The following ZBP1 variants were observed in gnomAD, a reference collection of about 807,000 sequenced individuals.
The protein encoded by ZBP1 is Z-DNA-binding protein 1.
A neutral mutation model predicts 41.1 loss-of-function variants in ZBP1; 42 were observed. That is an observed-to-expected ratio of 1.02 (90% CI 0.80 to 1.32). The LOEUF is 1.32. ZBP1 is among the 40% of genes most tolerant of loss of function. The pLI is 0.00. For missense variants in ZBP1, 562 were observed against 549.7 expected, an observed-to-expected ratio of 1.02 and a Z score of -0.22; for synonymous variants, 214 against 205.2, an observed-to-expected ratio of 1.04 and a Z score of -0.37.
chr20:57,608,631 C>G (rs548587658), intron 7 of ZBP1, among the ~76,000 whole-genome samples: 5 of 152,250 alleles, frequency 3.3e-5, no homozygotes, highest in Non-Finnish European at 5.9e-5. Context: ...GAAGTCCATG[C>G]TCCCAGATGC....
At position 57,611,962 on chromosome 20, in the gene ZBP1, A is replaced by C. The variant is rs746012803; in HGVS notation, c.671-32T>G. On this transcript the variant is annotated intron_variant, in intron 5 of 7. Transcript: ENST00000371173. ...GGGGACAGTGGCACAGCCTCACCGG[A>C]GATTACTGCAGGCTTCTTCCTTTCC... 5 of 1,545,108 alleles carry C rather than the reference A, an allele frequency of 3.2e-6. No homozygotes were observed. In the African/African-American group the frequency reaches 6.9e-5, roughly 21 times the overall value.
chr20:57,606,088 A>G (rs1378105319), intron 7 of ZBP1, among the ~76,000 whole-genome samples: 3 of 152,256 alleles, frequency 2.0e-5, no homozygotes, highest in Admixed American at 6.5e-5. Context: ...GTTGAAAGCT[A>G]GGTCAAAAGT....
At chr20:57,604,804 G>C in intron 7 of ZBP1, 35 bp from the exon 8 acceptor site, 1 of 1,593,702 alleles carries the variant, frequency 6.3e-7, no homozygotes, top group Non-Finnish European at 8.6e-7. Flanking sequence ...AGCTTCATGG[G>C]CACGTGGCCT....
chr20:57,611,665 G>C, intron 6 of ZBP1, 62 bp downstream of exon 6: 2 of 1,511,218 alleles, frequency 1.3e-6, no homozygotes, highest in South Asian at 1.2e-5. Context: ...TCTGGCTCCA[G>C]TTCCTTCCAG....
At chr20:57,619,183 C>T (rs2070930315) in intron 1 of ZBP1, among the ~76,000 whole-genome samples, 1 of 152,240 alleles carries the variant, frequency 6.6e-6, no homozygotes, top group South Asian at 2.1e-4. Context: ...CACAGGACCT[C>T]CGCGGTCAGC....
Position 57,620,385 on chromosome 20 carries a change from G to A in ZBP1, c.-90C>T. ...TGAGAGGGTGGGCTAGGTCGAGGCTGGGGCTTCTGAAGTGGCCGAGCCTGG... is the reference window on the plus strand; with the variant it reads ...TGAGAGGGTGGGCTAGGTCGAGGCTAGGGCTTCTGAAGTGGCCGAGCCTGG... On this transcript the variant is annotated 5_prime_UTR_variant, in exon 1 of 8. Transcript: ENST00000371173. 1 of 1,464,874 alleles carries A rather than the reference G, an allele frequency of 6.8e-7. No homozygotes were observed. The highest frequency in any genetic ancestry group is 9.3e-7 in the Non-Finnish European group (1 of 1,080,214). The allele number at this position is 1,464,874 out of a possible 1,614,324, so 90.7% of individuals were successfully genotyped here. A position where few individuals can be genotyped will look rare whatever the true frequency, so the allele number is the denominator to read the frequency against.
In ZBP1 at chr20:57,610,276, G is replaced by A. The variant is rs142731351; in HGVS notation, c.966C>T (p.Ile322=). The change falls in exon 7 of 8, where the codon ATC becomes ATT. Residue 322 remains isoleucine, a synonymous_variant. Transcript: ENST00000371173. This position sits in a 1 kb window ranked among gnomAD's most constrained non-coding sequence, Gnocchi z 5.5. The part of the protein sequence containing the change: ...THPEGEAAQR[I]HMKSCFLEDA... ...CCTCGAGAAAGCACGATTTCATGTG[G>A]ATTCTCTGGGCGGCTTCCCCCTCAG... 6.8e-6 allele frequency: 11 copies of A among 1,614,170 alleles called. No homozygotes were observed. In the African/African-American group the frequency reaches 1.3e-4, roughly 20 times the overall value.
In ZBP1 at chr20:57,607,322, C is replaced by A. The variant is rs540435489; in HGVS notation, c.1094-2553G>T. Reference sequence around the variant, plus strand: ...GCAACTGCAAATGTGGTGGAAATAGCAGGAAAACACAAATTAGAAGTGGAA... The same window carrying A: ...GCAACTGCAAATGTGGTGGAAATAGAAGGAAAACACAAATTAGAAGTGGAA... On this transcript the variant is annotated intron_variant, in intron 7 of 7. Coordinates refer to ENST00000371173, the MANE Select transcript of ZBP1 (RefSeq NM_030776.3). The A allele has an allele frequency of 1.2e-5, 16 of 1,280,762 alleles. No homozygotes were observed. In the East Asian group the frequency reaches 9.0e-4, roughly 72 times the overall value. The allele number at this position is 1,280,762 out of a possible 1,614,324, so 79.3% of individuals were successfully genotyped here.
Position 57,610,051 on chromosome 20 carries a change from A to C in ZBP1, c.1093+98T>G. 1.5e-4 allele frequency: 200 copies of C among 1,328,294 alleles called. No individual in the cohort carries two copies. Among genetic ancestry groups the C allele is most frequent in the Non-Finnish European group, 1.9e-4 (178 of 942,650 alleles). The allele number at this position is 1,328,294 out of a possible 1,614,324, so 82.3% of individuals were successfully genotyped here. Reference sequence around the variant, plus strand: ...CACAGCCTCCAGACTCCGGGAAACCAGAGATTAGCGAATGATCGATGAGAG... The same window carrying C: ...CACAGCCTCCAGACTCCGGGAAACCCGAGATTAGCGAATGATCGATGAGAG... On this transcript the variant is annotated intron_variant, in intron 7 of 7. Transcript: ENST00000371173. This position sits in a 1 kb window ranked among gnomAD's most constrained non-coding sequence, Gnocchi z 5.5.
At position 57,614,894 on chromosome 20, in the gene ZBP1, G is replaced by A. The variant is rs1423656856; in HGVS notation, c.495C>T (p.Tyr165=). ...AGGCAGCCGGGGGCCTACCTGGGCG[G>A]TAAATCGTCCATGCTTTGGACTGCT... is the stretch of plus-strand genomic sequence containing the variant. ...MDEQSKAWTI[Y]RPEDSGRRAK... Residue 165 remains tyrosine (Y), a synonymous_variant, in exon 4 of 8, where the codon TAC becomes TAT. Coordinates refer to ENST00000371173, the MANE Select transcript of ZBP1 (RefSeq NM_030776.3). 1.2e-6 allele frequency: 2 copies of A among 1,614,182 alleles called. No homozygotes were observed. Among genetic ancestry groups the A allele is most frequent in the Non-Finnish European group, 1.7e-6 (2 of 1,180,020 alleles).
chr20:57,606,959 C>G, intron 7 of ZBP1: 4 of 1,187,380 alleles, frequency 3.4e-6, no homozygotes, highest in Non-Finnish European at 4.3e-6. Flanking sequence ...TCCACGGGCT[C>G]TGATGGAGAT....
intron 7 of ZBP1, among the ~76,000 whole-genome samples, chr20:57,608,277 A>G (rs2070547013): frequency 6.6e-6 from 1 of 152,136 alleles, no homozygotes; most frequent in Non-Finnish European, 1.5e-5. Context: ...GCCCGCCACC[A>G]TGCCTGGCTA....
rs2865395 is a variant in ZBP1 at position 57,613,933 on chromosome 20, A to C, written c.503-603T>G. ...TGTGCGGGGCCCATCACCACCCTCC[A>C]GGGTCTCAGCTCCTGTGCCTTTGTG... is the stretch of plus-strand genomic sequence containing the variant. On this transcript the variant is annotated intron_variant, in intron 4 of 7. Transcript: ENST00000371173. This position sits in a 1 kb window ranked among gnomAD's most constrained non-coding sequence, Gnocchi z 4.5. Among the ~76,000 whole-genome samples the C allele has an allele frequency of 9.2e-5, 14 of 152,188 alleles. No homozygotes were observed. Among genetic ancestry groups the C allele is most frequent in the African/African-American group, 3.4e-4 (14 of 41,442 alleles).
At chr20:57,606,856 C>T (rs1041504335) in intron 7 of ZBP1, among the ~76,000 whole-genome samples, 6 of 152,174 alleles carry the variant, frequency 3.9e-5, no homozygotes, top group Admixed American at 1.3e-4. Context: ...CACTGCTCAT[C>T]GTCCATACCA....
chr20:57,610,007 G>A lies in ZBP1; in HGVS notation c.1093+142C>T. The A allele has an allele frequency of 2.2e-6, 2 of 924,020 alleles. No individual in the cohort carries two copies. Among genetic ancestry groups the A allele is most frequent in the Non-Finnish European group, 3.3e-6 (2 of 605,828 alleles). The allele number at this position is 924,020 out of a possible 1,614,324, so 57.2% of individuals were successfully genotyped here. ...CCTCCACGCTGACTCTAGAGCTGCTGCTCCTCGCTGTGGGTGGGCACAGCC... is the reference window on the plus strand; with the variant it reads ...CCTCCACGCTGACTCTAGAGCTGCTACTCCTCGCTGTGGGTGGGCACAGCC... On this transcript the variant is annotated intron_variant, in intron 7 of 7. Coordinates refer to ENST00000371173, the MANE Select transcript of ZBP1 (RefSeq NM_030776.3). This position sits in a 1 kb window ranked among gnomAD's most constrained non-coding sequence, Gnocchi z 5.5.
At position 57,619,836 on chromosome 20, in the gene ZBP1, A is replaced by AT. The variant is rs940213839; in HGVS notation, c.34+425dup. ...GGGGATGGCTATGCTGTCCCTTTCT[A>AT]TTTTTTTTTTTTTTTTCTGAGATGG... On this transcript the variant is annotated intron_variant, in intron 1 of 7. Coordinates refer to ENST00000371173, the MANE Select transcript of ZBP1 (RefSeq NM_030776.3). Among the ~76,000 whole-genome samples the AT allele has an allele frequency of 9.8e-3, 1,308 of 134,126 alleles. 6 individuals are homozygous for AT. The highest frequency in any genetic ancestry group is 0.012 in the Non-Finnish European group (709 of 61,314). 88.0% of individuals were successfully genotyped at this position (134,126 alleles called of 152,430 possible).
chr20:57,612,741 G>C, intron 5 of ZBP1: 1 of 259,350 alleles, frequency 3.9e-6, no homozygotes, highest in Non-Finnish European at 6.3e-6. Context: ...GTGGGGGAAA[G>C]TAGCGTGTCT....
chr20:57,619,659 C>G (rs980404375), intron 1 of ZBP1, among the ~76,000 whole-genome samples: 1 of 152,236 alleles, frequency 6.6e-6, no homozygotes, highest in Middle Eastern at 3.4e-3. Context: ...CACCAGCGTT[C>G]GCCAGCTGTG....
Position 57,610,074 on chromosome 20 carries a change from G to T in ZBP1, c.1093+75C>A. ...CCAGAGATTAGCGAATGATCGATGA[G>T]AGTGAATGAATGAATGAGTGGAAGG... On this transcript the variant is annotated intron_variant, in intron 7 of 7. Coordinates refer to ENST00000371173, the MANE Select transcript of ZBP1 (RefSeq NM_030776.3). This position sits in a 1 kb window ranked among gnomAD's most constrained non-coding sequence, Gnocchi z 5.5. 1 of 1,427,166 alleles carries T rather than the reference G, an allele frequency of 7.0e-7. No homozygotes were observed. Among genetic ancestry groups the T allele is most frequent in the South Asian group, 1.2e-5 (1 of 82,840 alleles). 88.4% of individuals were successfully genotyped at this position (1,427,166 alleles called of 1,614,324 possible). A position where few individuals can be genotyped will look rare whatever the true frequency, so the allele number is the denominator to read the frequency against.
Sources: gnomAD v4.1 joint callset for allele counts (sites outside exome capture counted in the v4.1 genomes callset) on GRCh38, gnomAD v4.1.1 for gene constraint, Gnocchi (gnomAD v3.1) non-coding constraint, MANE v1.5 for transcripts, NCBI Gene and HGNC (gene_info 2026-07-23, HGNC 2026-07-21) for gene names.